The following PTPDC1 variants were observed in gnomAD, a reference collection of about 807,000 sequenced individuals.
The protein encoded by PTPDC1 is protein tyrosine phosphatase domain containing 1.
PTPDC1 carries 53 observed loss-of-function variants against 75.3 expected under a neutral mutation model. That is an observed-to-expected ratio of 0.70 (90% CI 0.56 to 0.88). The LOEUF (loss-of-function observed/expected upper bound fraction) is 0.88. Among genes scored for constraint, PTPDC1 ranks in the 40% least tolerant of loss-of-function variants. The pLI, the probability that PTPDC1 is intolerant of heterozygous loss-of-function variation, is 0.00. For synonymous variants in PTPDC1, 349 were observed against 366.2 expected (o/e 0.95, Z 0.54); for missense variants, 925 against 998.6 (o/e 0.93, Z 0.99).
chr9:94,033,246 A>T (rs965061391), intron 1 of PTPDC1, among the ~76,000 whole-genome samples: 9 of 152,218 alleles, frequency 5.9e-5, no homozygotes, highest in Admixed American at 5.9e-4. Context: ...GGATGGGAAA[A>T]TGTATACATC....
At position 94,109,810 on chromosome 9, in the gene PTPDC1, A is replaced by G. The variant is rs993798922; in HGVS notation, c.*1866A>G. ...ACAAGGGAAATTAATCAGGCTATAC[A>G]TAAGTATTGTATTTATTTGAATAAA... On this transcript the variant is annotated 3_prime_UTR_variant, in exon 9 of 9. Coordinates refer to ENST00000620992, the MANE Select transcript of PTPDC1 (RefSeq NM_001253829.2). The G allele has an allele frequency of 4.6e-5, 7 of 152,256 alleles. No individual in the cohort carries two copies. Among genetic ancestry groups the G allele is most frequent in the Non-Finnish European group, 8.8e-5 (6 of 68,040 alleles). The allele number at this position is 152,256 out of a possible 1,614,324, so 9.4% of individuals were successfully genotyped here.
intron 1 of PTPDC1, among the ~76,000 whole-genome samples, 166 bp downstream of exon 1, chr9:94,084,940 T>C (rs1387770645): frequency 6.6e-6 from 1 of 152,232 alleles, no homozygotes; most frequent in Non-Finnish European, 1.5e-5. Context: ...TATAAAATGA[T>C]CAAATGTTTT....
Position 94,098,472 on chromosome 9 carries a change from T to C in PTPDC1, c.1906T>C (p.Ser636Pro). 6.2e-7 allele frequency: 1 copy of C among 1,614,058 alleles called. No individual in the cohort carries two copies. The highest frequency in any genetic ancestry group is 1.1e-5 in the South Asian group (1 of 91,074). Residue 636 changes from serine (S) to proline (P), a missense_variant, in exon 6 of 9, where the codon TCT (serine) becomes CCT (proline). Coordinates refer to ENST00000620992, the MANE Select transcript of PTPDC1 (RefSeq NM_001253829.2). Reference sequence around the variant, plus strand: ...AGCAGCTTCACACTCTGCATTACAGTCTGAATTGAGTGCTGAGGCAAGAAG... The same window carrying C: ...AGCAGCTTCACACTCTGCATTACAGCCTGAATTGAGTGCTGAGGCAAGAAG... ...SEAASHSALQ[S>P]ELSAEARRIL...
intron 2 of PTPDC1, among the ~76,000 whole-genome samples, chr9:94,078,884 A>G (rs1826783828): frequency 6.6e-6 from 1 of 152,186 alleles, no homozygotes; most frequent in South Asian, 2.1e-4. Flanking sequence ...CATTGTCATC[A>G]TAGCTTCTTT....
intron 4 of PTPDC1, among the ~76,000 whole-genome samples, chr9:94,090,313 C>G (rs1339906477): frequency 1.2e-4 from 15 of 122,360 alleles, no homozygotes; most frequent in Non-Finnish European, 2.0e-4. Context: ...GCCAGTTTTC[C>G]CACCACCATT....
chr9:94,084,959 T>G (rs567015976), intron 1 of PTPDC1, among the ~76,000 whole-genome samples, 185 bp downstream of exon 1: 18 of 152,376 alleles, frequency 1.2e-4, no homozygotes, highest in African/African-American at 4.1e-4. Flanking sequence ...TTGTGTTTTT[T>G]TATTAAAAAT....
At chr9:94,032,904 CA>C (rs1829754779) in intron 1 of PTPDC1, among the ~76,000 whole-genome samples, 1 of 152,030 alleles carries the variant, frequency 6.6e-6, no homozygotes, top group Non-Finnish European at 1.5e-5. Context: ...CTCAGGTGCC[CA>C]GGCTGGAGTG....
At chr9:94,054,254 G>A (rs1162943537) in intron 1 of PTPDC1, among the ~76,000 whole-genome samples, 1 of 152,182 alleles carries the variant, frequency 6.6e-6, no homozygotes, top group Non-Finnish European at 1.5e-5. Flanking sequence ...GATGTGGAGG[G>A]TTTTGAAGAG....
At chr9:94,063,965 C>T (rs1475429690) in intron 1 of PTPDC1, among the ~76,000 whole-genome samples, 1 of 152,076 alleles carries the variant, frequency 6.6e-6, no homozygotes, top group African/African-American at 2.4e-5. Flanking sequence ...ACGTTTGAAT[C>T]GTGTTATTTT....
intron 5 of PTPDC1, 89 bp from the exon 6 acceptor site, chr9:94,097,232 T>C: frequency 1.1e-6 from 1 of 873,998 alleles, no homozygotes; most frequent in East Asian, 2.6e-5. Context: ...TTAACACATA[T>C]TCAAATTGTA....
chr9:94,106,936 GGTTT>G (rs112737054), intron 8 of PTPDC1, among the ~76,000 whole-genome samples: 9,117 of 151,304 alleles, frequency 0.06, 721 homozygotes, highest in African/African-American at 0.19. Context: ...ATCAAGGTGG[GGTTT>G]GTTTGTTTGT....
At chr9:94,074,307 GCT>G (rs1037586681) in intron 2 of PTPDC1, among the ~76,000 whole-genome samples, 1 of 152,138 alleles carries the variant, frequency 6.6e-6, no homozygotes, top group African/African-American at 2.4e-5. Context: ...TGGAATTTCA[GCT>G]CTCTCACCAG....
chr9:94,104,445 C>T (rs1278807857), intron 8 of PTPDC1, 60 bp downstream of exon 8: 10 of 1,143,902 alleles, frequency 8.7e-6, no homozygotes, highest in Non-Finnish European at 1.3e-5. Flanking sequence ...CTTTGTAAAT[C>T]AGAATCCAGA....
upstream of PTPDC1, among the ~76,000 whole-genome samples, chr9:94,082,192 A>G (rs142977829): frequency 6.6e-6 from 1 of 152,374 alleles, no homozygotes; most frequent in East Asian, 1.9e-4. Flanking sequence ...GCCTCTTGTC[A>G]CAAAAAGTAG....
upstream of PTPDC1, among the ~76,000 whole-genome samples, chr9:94,081,169 T>C (rs1184471709): frequency 1.3e-5 from 2 of 152,040 alleles, no homozygotes. Flanking sequence ...TTTGTATTTT[T>C]AGTAGAGACT....
At chr9:94,082,892 TAC>T (rs1826931828), upstream of PTPDC1, among the ~76,000 whole-genome samples, 1 of 152,230 alleles carries the variant, frequency 6.6e-6, no homozygotes, top group African/African-American at 2.4e-5. Flanking sequence ...GTCCTACCCC[TAC>T]CCCTTATCTA....
intron 5 of PTPDC1, among the ~76,000 whole-genome samples, chr9:94,095,771 C>T (rs1379174133): frequency 2.0e-5 from 3 of 151,870 alleles, no homozygotes; most frequent in African/African-American, 7.3e-5. Flanking sequence ...CTATATACCC[C>T]ATAGATATGT....
intron 1 of PTPDC1, among the ~76,000 whole-genome samples, chr9:94,031,831 G>A (rs551851885): frequency 1.2e-3 from 176 of 152,310 alleles, no homozygotes; most frequent in Non-Finnish European, 2.0e-3. Flanking sequence ...CTTTAGGGAG[G>A]TGGATAAGCA....
intron 4 of PTPDC1, among the ~76,000 whole-genome samples, chr9:94,092,946 C>T (rs1827384141): frequency 6.6e-6 from 1 of 150,864 alleles, no homozygotes; most frequent in Admixed American, 6.6e-5. Context: ...GGTAGATCTT[C>T]CTCCATCCTT....
Sources: allele counts gnomAD v4.1 joint callset (sites outside exome capture counted in the v4.1 genomes callset), GRCh38; gene constraint gnomAD v4.1.1; transcripts MANE v1.5; gene names NCBI Gene and HGNC (gene_info 2026-07-23, HGNC 2026-07-21).